The following ZRANB3 variants were observed in gnomAD, a reference collection of about 807,000 sequenced individuals.
ZRANB3 encodes the protein DNA annealing helicase and endonuclease ZRANB3.
A neutral mutation model predicts 133.8 loss-of-function variants in ZRANB3; 125 were observed. The ratio of observed to expected loss-of-function variants is 0.93; its 90% CI spans 0.81 to 1.08. ZRANB3 has a LOEUF of 1.08. Ranked by LOEUF, ZRANB3 falls within the 50% of genes least tolerant of loss-of-function variation. The pLI, the probability that ZRANB3 is intolerant of heterozygous loss-of-function variation, is 0.00. For synonymous variants in ZRANB3, 387 were observed against 432.7 expected, an observed-to-expected ratio of 0.89 and a Z score of 1.31; for missense variants, 1,229 against 1,275.5, an observed-to-expected ratio of 0.96 and a Z score of 0.56.
At chr2:135,209,514 C>T (rs1214144991) in intron 17 of ZRANB3, among the ~76,000 whole-genome samples, 2 of 152,148 alleles carry the variant, frequency 1.3e-5, no homozygotes, top group African/African-American at 4.8e-5. Context: ...TTATTATCAG[C>T]CCATACAGGG....
intron 8 of ZRANB3, among the ~76,000 whole-genome samples, chr2:135,293,078 G>T (rs1681846317): frequency 6.6e-6 from 1 of 152,002 alleles, no homozygotes; most frequent in South Asian, 2.1e-4. Context: ...GGCAATGTGG[G>T]TTCTTTTTTG....
At chr2:135,291,589 T>A (rs558015191) in intron 8 of ZRANB3, among the ~76,000 whole-genome samples, 1 of 151,872 alleles carries the variant, frequency 6.6e-6, no homozygotes, top group Non-Finnish European at 1.5e-5. Flanking sequence ...TTTTATTTTA[T>A]TTTTTTAATT....
chr2:135,316,204 C>A (rs780943880), intron 6 of ZRANB3, among the ~76,000 whole-genome samples: 15 of 152,100 alleles, frequency 9.9e-5, no homozygotes, highest in Admixed American at 6.5e-4. Context: ...ACTGACTTGG[C>A]AAAAGAAAGG....
At chr2:135,421,991 T>C (rs930307555) in intron 2 of ZRANB3, among the ~76,000 whole-genome samples, 2 of 151,902 alleles carry the variant, frequency 1.3e-5, no homozygotes, top group Admixed American at 1.3e-4. Context: ...ACCCTATTTA[T>C]TTCTACATTT....
rs553305018 is a variant in ZRANB3, at chr2:135,391,748, T to G, written c.162-928A>C. Among the ~76,000 whole-genome samples the G allele has an allele frequency of 3.9e-5, 6 of 151,986 alleles. No individual in the cohort carries two copies. The South Asian group carries it at 1.2e-3, about 32-fold the overall frequency. On this transcript the variant is annotated intron_variant, in intron 2 of 20. Coordinates refer to ENST00000264159, the MANE Select transcript of ZRANB3 (RefSeq NM_032143.4). ...GCACCTGTCACCACGCCAGGCTAAT[T>G]TTTTGTATTTTTAGTAGAGACGGGG...
Position 135,310,219 on chromosome 2 carries a change from G to A in ZRANB3, c.966+3270C>T, listed in dbSNP as rs565884700. On this transcript the variant is annotated intron_variant, in intron 8 of 20. Coordinates refer to ENST00000264159, the MANE Select transcript of ZRANB3 (RefSeq NM_032143.4). ...CCCAAAGTGCTGGGATTACAGGCAT[G>A]AGCCACCGTGCCTGGCCTTCAAGAC... is the stretch of plus-strand genomic sequence containing the variant. 6.6e-5 allele frequency among the ~76,000 whole-genome samples: 10 copies of A among 152,318 alleles called. No homozygotes were observed. The South Asian group carries it at 2.1e-3, about 32-fold the overall frequency.
chr2:135,355,081 A>G, intron 3 of ZRANB3: 1 of 249,298 alleles, frequency 4.0e-6, no homozygotes. Context: ...GAGCAAAACT[A>G]AAGAAATGAG....
chr2:135,411,771 G>A (rs1327384971), intron 2 of ZRANB3, among the ~76,000 whole-genome samples: 2 of 152,074 alleles, frequency 1.3e-5, no homozygotes, highest in African/African-American at 4.8e-5. Context: ...CCAAAAGGGG[G>A]TAGAGGCAAA....
chr2:135,481,084 T>A (rs1309097788), intron 2 of ZRANB3, among the ~76,000 whole-genome samples: 2 of 152,094 alleles, frequency 1.3e-5, no homozygotes, highest in Non-Finnish European at 2.9e-5. Context: ...TACGTGAGCA[T>A]GTGTCTTTAT....
intron 2 of ZRANB3, among the ~76,000 whole-genome samples, chr2:135,418,947 T>C (rs932309926): frequency 9.2e-5 from 11 of 119,454 alleles, no homozygotes; most frequent in Admixed American, 4.7e-4. Flanking sequence ...TTTTTTTTTT[T>C]TTTTTTTTGA....
intron 2 of ZRANB3, among the ~76,000 whole-genome samples, chr2:135,471,710 A>C (rs1158604673): frequency 6.6e-6 from 1 of 152,212 alleles, no homozygotes; most frequent in African/African-American, 2.4e-5. Flanking sequence ...GAATTGATTC[A>C]GTTTTCTCGA....
chr2:135,207,968 A>C, intron 18 of ZRANB3, 132 bp from the exon 19 acceptor site: 1 of 886,724 alleles, frequency 1.1e-6, no homozygotes, highest in Non-Finnish European at 1.6e-6. Context: ...GAAATAAAAT[A>C]GTTACAGTCA....
chr2:135,480,461 A>T (rs1691730613), intron 2 of ZRANB3, among the ~76,000 whole-genome samples: 1 of 152,198 alleles, frequency 6.6e-6, no homozygotes, highest in South Asian at 2.1e-4. Flanking sequence ...GTAATGTAAC[A>T]GAAAACTTTT....
chr2:135,217,401 C>T, intron 17 of ZRANB3, 64 bp downstream of exon 17: 5 of 1,429,678 alleles, frequency 3.5e-6, no homozygotes, highest in Non-Finnish European at 9.2e-7. Flanking sequence ...ATGCCTCAGA[C>T]CCCCCTGTAG....
intron 2 of ZRANB3, among the ~76,000 whole-genome samples, chr2:135,442,144 T>G (rs1370286714): frequency 6.6e-6 from 1 of 152,110 alleles, no homozygotes; most frequent in Non-Finnish European, 1.5e-5. Context: ...GGCAGAGACT[T>G]CAGGACTAAA....
chr2:135,313,652 A>G (rs1404577744), intron 7 of ZRANB3, 47 bp from the exon 8 acceptor site: 6 of 1,232,268 alleles, frequency 4.9e-6, no homozygotes, highest in East Asian at 2.4e-5. Context: ...CATAACGAAC[A>G]GAACAAATTA....
intron 6 of ZRANB3, among the ~76,000 whole-genome samples, chr2:135,317,551 C>G (rs914934814): frequency 6.6e-6 from 1 of 152,200 alleles, no homozygotes; most frequent in South Asian, 2.1e-4. Context: ...AAAGACAACA[C>G]ACAATTGTCT....
intron 2 of ZRANB3, among the ~76,000 whole-genome samples, chr2:135,470,899 T>C (rs1366893746): frequency 6.6e-6 from 1 of 150,822 alleles, no homozygotes; most frequent in Non-Finnish European, 1.5e-5. Flanking sequence ...CCTCCTGGGT[T>C]CACAGCATTC....
At chr2:135,401,183 C>T (rs1050516161) in intron 2 of ZRANB3, among the ~76,000 whole-genome samples, 25 of 152,074 alleles carry the variant, frequency 1.6e-4, no homozygotes, top group African/African-American at 5.6e-4. Flanking sequence ...GGTGCATGCA[C>T]GGAGAACATC....
Sources: allele counts gnomAD v4.1 joint callset (sites outside exome capture counted in the v4.1 genomes callset), GRCh38; gene constraint gnomAD v4.1.1; transcripts MANE v1.5; gene names NCBI Gene and HGNC (gene_info 2026-07-23, HGNC 2026-07-21).